The following KAZN variants were observed in gnomAD, a reference collection of about 807,000 sequenced individuals.
KAZN encodes the protein kazrin, periplakin interacting protein.
A neutral mutation model predicts 87.4 loss-of-function variants in KAZN; 40 were observed. The observed-to-expected ratio is 0.46, with a 90% confidence interval of 0.36 to 0.60. The LOEUF (loss-of-function observed/expected upper bound fraction) is 0.60, where lower values mean the gene tolerates loss of function less well. KAZN is among the 20% of genes least tolerant of loss of function. The pLI, the probability that KAZN is intolerant of heterozygous loss-of-function variation, is 0.00. For missense variants in KAZN, 898 were observed against 1,073.9 expected, an observed-to-expected ratio of 0.84 and a Z score of 2.29; for synonymous variants, 466 against 458.3, an observed-to-expected ratio of 1.02 and a Z score of -0.22.
At chr1:14,790,146 A>G (rs1645631169) in intron 1 of KAZN, among the ~76,000 whole-genome samples, 1 of 151,660 alleles carries the variant, frequency 6.6e-6, no homozygotes. Context: ...GGGATTACAA[A>G]CATGTGCCAC....
upstream of KAZN, among the ~76,000 whole-genome samples, chr1:14,595,699 GA>G (rs60340361): frequency 2.9e-5 from 4 of 135,692 alleles, no homozygotes; most frequent in African/African-American, 1.1e-4. Context: ...AAAAAAAAAA[GA>G]AAAAGAAAAA....
chr1:14,261,758 C>A (rs963242984), intron 2 of KAZN, among the ~76,000 whole-genome samples: 1 of 152,128 alleles, frequency 6.6e-6, no homozygotes, highest in Non-Finnish European at 1.5e-5. Context: ...CTGTGACACT[C>A]GAGCTGCAGC....
intron 1 of KAZN, among the ~76,000 whole-genome samples, chr1:13,973,573 G>A (rs61775614): frequency 0.093 from 14,128 of 152,242 alleles, 813 homozygotes; most frequent in Non-Finnish European, 0.13. Context: ...TGCCTTTCAG[G>A]CCTACGGTGT....
chr1:14,139,914 G>A (rs1645194323), intron 1 of KAZN, among the ~76,000 whole-genome samples: 1 of 149,520 alleles, frequency 6.7e-6, no homozygotes, highest in African/African-American at 2.5e-5. Context: ...GAGGGAAAGG[G>A]GATTTGAGGT....
At chr1:14,758,511 C>T (rs1266758117) in intron 1 of KAZN, among the ~76,000 whole-genome samples, 1 of 151,764 alleles carries the variant, frequency 6.6e-6, no homozygotes, top group Non-Finnish European at 1.5e-5. Flanking sequence ...GAGAGTTTCA[C>T]TATGTTGCCC....
At chr1:14,501,524 T>G (rs1023533897) in intron 2 of KAZN, among the ~76,000 whole-genome samples, 2 of 152,216 alleles carry the variant, frequency 1.3e-5, no homozygotes, top group African/African-American at 2.4e-5. Context: ...AATAAAATTT[T>G]AAAAACAATT....
intron 1 of KAZN, among the ~76,000 whole-genome samples, chr1:14,867,868 C>G (rs917169078): frequency 6.6e-5 from 10 of 152,222 alleles, no homozygotes; most frequent in Non-Finnish European, 1.5e-4. Flanking sequence ...AGGCTGTGGA[C>G]TGCACTTGGA....
intron 1 of KAZN, among the ~76,000 whole-genome samples, chr1:14,614,661 G>T (rs184679007): frequency 6.6e-6 from 1 of 152,332 alleles, no homozygotes; most frequent in Non-Finnish European, 1.5e-5. Context: ...ATGGTGTTTT[G>T]CTTTCAAGAT....
intron 1 of KAZN, among the ~76,000 whole-genome samples, chr1:13,970,600 G>C (rs1030475003): frequency 6.6e-6 from 1 of 152,222 alleles, no homozygotes; most frequent in Non-Finnish European, 1.5e-5. Flanking sequence ...GTGTGATTCT[G>C]CTCAAAGGCA....
intron 2 of KAZN, among the ~76,000 whole-genome samples, chr1:14,182,010 T>C (rs565775980): frequency 5.9e-5 from 9 of 152,288 alleles, no homozygotes; most frequent in Non-Finnish European, 4.4e-5. Context: ...ATTTCAAAAA[T>C]GTTTCATATT....
intron 1 of KAZN, among the ~76,000 whole-genome samples, chr1:14,165,900 A>G (rs1645814931): frequency 6.6e-6 from 1 of 152,180 alleles, no homozygotes; most frequent in Admixed American, 6.5e-5. Context: ...GGGCTTCATG[A>G]ATGGTAACTA....
Position 14,886,888 on chromosome 1 carries a change from G to A in KAZN, c.227-73796G>A, listed in dbSNP as rs188890463. On this transcript the variant is annotated intron_variant, in intron 1 of 14. Coordinates refer to ENST00000376030, the MANE Select transcript of KAZN (RefSeq NM_201628.3). ...TATGTGTCTGAGTGTTTATTTAGTCGTTAAGAGCTCCATAGGACAGGCAGT... is the reference window on the plus strand; with the variant it reads ...TATGTGTCTGAGTGTTTATTTAGTCATTAAGAGCTCCATAGGACAGGCAGT... Among the ~76,000 whole-genome samples, 91 of 152,242 alleles carry A rather than the reference G, an allele frequency of 6.0e-4. No homozygotes were observed. In the East Asian group the frequency reaches 0.012, roughly 20 times the overall value.
Position 14,902,865 on chromosome 1 carries a change from C to T in KAZN, c.227-57819C>T, listed in dbSNP as rs1368128222. On this transcript the variant is annotated intron_variant, in intron 1 of 14. Transcript: ENST00000376030. ...ATAAATAATCTTTTGTTCCTCCTTC[C>T]TTTCCTTTTTTTTTTTTTTTAAGAT... Among the ~76,000 whole-genome samples, 3 of 149,564 alleles carry T rather than the reference C, an allele frequency of 2.0e-5. No individual in the cohort carries two copies. In the Admixed American group the frequency reaches 2.0e-4, roughly 10 times the overall value.
At chr1:14,939,148 C>G (rs1020891843) in intron 1 of KAZN, among the ~76,000 whole-genome samples, 1 of 151,332 alleles carries the variant, frequency 6.6e-6, no homozygotes. Flanking sequence ...AATTTTTATA[C>G]TTTTAGTAGG....
At chr1:14,742,351 C>T (rs866086137) in intron 1 of KAZN, among the ~76,000 whole-genome samples, 1 of 152,214 alleles carries the variant, frequency 6.6e-6, no homozygotes. Context: ...GTGTCCCTCC[C>T]ACTTAAGAGC....
chr1:14,835,643 G>A (rs1424245555), intron 1 of KAZN, among the ~76,000 whole-genome samples: 1 of 152,186 alleles, frequency 6.6e-6, no homozygotes, highest in African/African-American at 2.4e-5. Context: ...TTTGAACCCA[G>A]ACCTCTATGT....
intron 2 of KAZN, among the ~76,000 whole-genome samples, chr1:14,489,915 T>G (rs1325927664): frequency 6.6e-6 from 1 of 152,140 alleles, no homozygotes; most frequent in Non-Finnish European, 1.5e-5. Flanking sequence ...TGCCTACATA[T>G]CTGACTGTTT....
intron 1 of KAZN, among the ~76,000 whole-genome samples, chr1:13,953,700 C>G (rs907328671): frequency 6.6e-6 from 1 of 151,936 alleles, no homozygotes; most frequent in Non-Finnish European, 1.5e-5. Flanking sequence ...TCTATTTTCA[C>G]GAGCGTGGTG....
At chr1:14,038,393 G>T (rs1447842987) in intron 1 of KAZN, among the ~76,000 whole-genome samples, 1 of 152,120 alleles carries the variant, frequency 6.6e-6, no homozygotes, top group Non-Finnish European at 1.5e-5. Flanking sequence ...GCAGACAAAG[G>T]GAGCCCCCAG....
Sources: allele counts gnomAD v4.1 joint callset (sites outside exome capture counted in the v4.1 genomes callset), GRCh38; gene constraint gnomAD v4.1.1; transcripts MANE v1.5; gene names NCBI Gene and HGNC (gene_info 2026-07-23, HGNC 2026-07-21).